The following ABLIM2 variants were observed in gnomAD, a reference collection of about 807,000 sequenced individuals.
ABLIM2 encodes actin-binding LIM protein 2.
A neutral mutation model predicts 97.7 loss-of-function variants in ABLIM2; 53 were observed. The observed-to-expected ratio is 0.54, with a 90% CI of 0.44 to 0.68. ABLIM2 has a LOEUF of 0.68. Among genes scored for constraint, ABLIM2 ranks in the 30% least tolerant of loss-of-function variants. ABLIM2 has a pLI of 0.00. For missense variants in ABLIM2, 835 were observed against 867.2 expected, an observed-to-expected ratio of 0.96 and a Z score of 0.47; for synonymous variants, 361 against 345.8, an observed-to-expected ratio of 1.04 and a Z score of -0.49.
intron 4 of ABLIM2, among the ~76,000 whole-genome samples, chr4:8,084,092 C>T (rs1821692785): frequency 6.6e-6 from 1 of 152,174 alleles, no homozygotes; most frequent in Non-Finnish European, 1.5e-5. Flanking sequence ...GTTTTGGAAA[C>T]AAGGACTCTG....
Position 8,072,105 on chromosome 4 carries a change from C to G in ABLIM2, c.675+5523G>C, listed in dbSNP as rs913715003. On this transcript the variant is annotated intron_variant, in intron 6 of 20. Transcript: ENST00000447017. The surrounding 1 kb of genome is among the most constrained non-coding windows in gnomAD (Gnocchi z 5.8). Reference sequence around the variant, plus strand: ...CACAGACTCGCCTCCCCGGCAGAGGCGAAAACAAAAGCATTAATCTTCCCC... The same window carrying G: ...CACAGACTCGCCTCCCCGGCAGAGGGGAAAACAAAAGCATTAATCTTCCCC... 2 of 978,358 alleles carry G rather than the reference C, an allele frequency of 2.0e-6. No homozygotes were observed. Among genetic ancestry groups the G allele is most frequent in the African/African-American group, 3.5e-5 (2 of 57,078 alleles). The allele number at this position is 978,358 out of a possible 1,614,324, so 60.6% of individuals were successfully genotyped here. A position where few individuals can be genotyped will look rare whatever the true frequency, so the allele number is the denominator to read the frequency against.
rs1229617472 is a variant in ABLIM2 at position 8,113,587 on chromosome 4, G to C, written c.11-6950C>G. On this transcript the variant is annotated intron_variant, in intron 1 of 20. Transcript: ENST00000447017. This position sits in a 1 kb window ranked among gnomAD's most constrained non-coding sequence, Gnocchi z 4.5. ...GGAGGTAAATCCACCTTGAGAATGG[G>C]CAGGGGACCCCCTTGTGTACTCACA... Among the ~76,000 whole-genome samples the C allele has an allele frequency of 6.6e-6, 1 of 152,162 alleles. No homozygotes were observed. The highest frequency in any genetic ancestry group is 1.5e-5 in the Non-Finnish European group (1 of 68,038).
At chr4:8,065,426 TAAC>T (rs1179160698) in intron 6 of ABLIM2, among the ~76,000 whole-genome samples, 1 of 152,168 alleles carries the variant, frequency 6.6e-6, no homozygotes, top group African/African-American at 2.4e-5. Flanking sequence ...GCTACAATAA[TAAC>T]AACACAGAAA....
chr4:8,006,615 A>T (rs572959803), intron 16 of ABLIM2, among the ~76,000 whole-genome samples: 6 of 152,308 alleles, frequency 3.9e-5, no homozygotes, highest in African/African-American at 1.4e-4. Flanking sequence ...CTGACACGTG[A>T]GTGCAGGGCA....
rs75581178 is a variant in ABLIM2, at chr4:7,966,061, T to C, written c.*929A>G. ...AAAACAGTGGTGGCTATACCTCACA[T>C]GTATTTACAAAGCGTTCTTTAGAGG... is the stretch of plus-strand genomic sequence containing the variant. On this transcript the variant is annotated 3_prime_UTR_variant, in exon 21 of 21. Transcript: ENST00000447017. 58 of 152,310 alleles carry C rather than the reference T, an allele frequency of 3.8e-4. No homozygotes were observed. The highest frequency in any genetic ancestry group is 1.3e-3 in the African/African-American group (54 of 41,584). The allele number at this position is 152,310 out of a possible 1,614,324, so 9.4% of individuals were successfully genotyped here.
chr4:8,091,020 G>C (rs923241842), intron 3 of ABLIM2, among the ~76,000 whole-genome samples: 1 of 151,592 alleles, frequency 6.6e-6, no homozygotes, highest in African/African-American at 2.4e-5. Flanking sequence ...CATATGCTAA[G>C]TGTGTGTTTA....
chr4:8,103,653 T>C (rs1237589616), intron 2 of ABLIM2, among the ~76,000 whole-genome samples: 1 of 152,224 alleles, frequency 6.6e-6, no homozygotes, highest in African/African-American at 2.4e-5. Flanking sequence ...AGCCTGCCAT[T>C]GACACTGTCT....
intron 8 of ABLIM2, among the ~76,000 whole-genome samples, chr4:8,048,253 C>G (rs1793818037): frequency 6.6e-6 from 1 of 152,220 alleles, no homozygotes; most frequent in African/African-American, 2.4e-5. Flanking sequence ...CTACCCAACT[C>G]CAATCGCACA....
intron 2 of ABLIM2, among the ~76,000 whole-genome samples, chr4:8,100,677 C>G (rs750416526): frequency 7.1e-6 from 1 of 140,838 alleles, no homozygotes; most frequent in African/African-American, 2.7e-5. Context: ...ACCTGGAAGG[C>G]GGAGATTGCG....
At position 7,980,941 on chromosome 4, in the gene ABLIM2, A is replaced by ATTTTTTTTT. The variant is rs1167615555; in HGVS notation, c.1824+2314_1824+2322dup. 2.3e-4 allele frequency among the ~76,000 whole-genome samples: 19 copies of ATTTTTTTTT among 82,980 alleles called. 1 individual carries two copies. The highest frequency in any genetic ancestry group is 7.9e-3 in the Middle Eastern group (1 of 126). 54.4% of individuals were successfully genotyped at this position (82,980 alleles called of 152,430 possible). On this transcript the variant is annotated intron_variant, in intron 20 of 20. Transcript: ENST00000447017. Reference sequence around the variant, plus strand: ...AGAACCATGGTCTCCACAACCCCTTATTTTTTTTTTTTTTTTTTTTGAGAT... The same window carrying ATTTTTTTTT: ...AGAACCATGGTCTCCACAACCCCTTATTTTTTTTTTTTTTTTTTTTTTTTTTTTTGAGAT...
At chr4:7,967,684 T>C (rs1389875123) in intron 20 of ABLIM2, among the ~76,000 whole-genome samples, 1 of 152,192 alleles carries the variant, frequency 6.6e-6, no homozygotes. Flanking sequence ...TTCTTGTCTG[T>C]GGTCACCGTG....
chr4:8,151,770 C>A (rs1047368907), intron 1 of ABLIM2, among the ~76,000 whole-genome samples: 1 of 148,484 alleles, frequency 6.7e-6, no homozygotes, highest in Admixed American at 6.7e-5. Flanking sequence ...GGGCTGGAGA[C>A]GCTGCTGGGC....
intron 16 of ABLIM2, among the ~76,000 whole-genome samples, chr4:7,993,309 C>T (rs1173083755): frequency 1.3e-5 from 2 of 152,264 alleles, no homozygotes; most frequent in Admixed American, 6.5e-5. Flanking sequence ...GGAGGAACAG[C>T]AGAGCTGTGC....
chr4:7,993,146 A>C (rs984292831), intron 16 of ABLIM2, among the ~76,000 whole-genome samples: 4 of 152,180 alleles, frequency 2.6e-5, no homozygotes, highest in African/African-American at 9.7e-5. Context: ...CCTGCCCGTG[A>C]CACCGGAAAT....
At chr4:7,987,767 C>T (rs531820521) in intron 17 of ABLIM2, among the ~76,000 whole-genome samples, 1 of 152,256 alleles carries the variant, frequency 6.6e-6, no homozygotes, top group South Asian at 2.1e-4. Context: ...CTTTTTAGGT[C>T]TAGAGCAGGG....
chr4:8,077,544 C>G, intron 6 of ABLIM2, 84 bp downstream of exon 6: 1 of 1,299,158 alleles, frequency 7.7e-7, no homozygotes, highest in Non-Finnish European at 1.1e-6. Context: ...CTTGCACAAA[C>G]ACACACAAAT....
In ABLIM2 at chr4:8,044,194, G is replaced by A. The variant is rs544453003; in HGVS notation, c.900+970C>T. Among the ~76,000 whole-genome samples the A allele has an allele frequency of 3.9e-5, 6 of 152,256 alleles. No homozygotes were observed. The South Asian group carries it at 6.2e-4, about 16-fold the overall frequency. ...TAGAAACCCAGTGGATCCAGCCTCC[G>A]CTGAGGCATGAAGAACCCAGGTCCT... On this transcript the variant is annotated intron_variant, in intron 9 of 20. Transcript: ENST00000447017. This position sits in a 1 kb window ranked among gnomAD's most constrained non-coding sequence, Gnocchi z 4.4.
intron 20 of ABLIM2, among the ~76,000 whole-genome samples, chr4:7,981,710 T>G (rs923309594): frequency 1.2e-4 from 18 of 152,214 alleles, no homozygotes; most frequent in African/African-American, 4.3e-4. Flanking sequence ...GTCCCCTCCC[T>G]GTACCGAGGG....
rs5856003 is a variant in ABLIM2, at chr4:8,075,249, CAGAAAGT to C, written c.675+2372_675+2378del. 0.82 allele frequency among the ~76,000 whole-genome samples: 124,284 copies of C among 151,440 alleles called. 51,119 individuals carry two copies. The highest frequency in any genetic ancestry group is 0.84 in the Admixed American group (12,778 of 15,238). On this transcript the variant is annotated intron_variant, in intron 6 of 20. Coordinates refer to ENST00000447017, the MANE Select transcript of ABLIM2 (RefSeq NM_001130083.2). The surrounding 1 kb of genome is among the most constrained non-coding windows in gnomAD (Gnocchi z 4.4). Reference sequence around the variant, plus strand: ...CGTCCAGAAGAGAAGTCTATGGAGACAGAAAGTAGAAAGTAGAATGGTGGTTGCCGAG... The same window carrying C: ...CGTCCAGAAGAGAAGTCTATGGAGACAGAAAGTAGAATGGTGGTTGCCGAG...
Sources: allele counts gnomAD v4.1 joint callset (sites outside exome capture counted in the v4.1 genomes callset), GRCh38; gene constraint gnomAD v4.1.1; non-coding constraint Gnocchi (gnomAD v3.1); transcripts MANE v1.5; gene names NCBI Gene and HGNC (gene_info 2026-07-23, HGNC 2026-07-21).